MUC5AC: variants seen among roughly 807,000 people sequenced by gnomAD.
MUC5AC encodes mucin-5AC.
A neutral mutation model predicts 169.7 loss-of-function variants in MUC5AC; 158 were observed. The ratio of observed to expected loss-of-function variants is 0.93; its 90% CI spans 0.82 to 1.06. The LOEUF (loss-of-function observed/expected upper bound fraction) is 1.06, where lower values mean the gene tolerates loss of function less well. Among genes scored for constraint, MUC5AC ranks in the 50% least tolerant of loss-of-function variants. The pLI is 0.00. For missense variants in MUC5AC, 4,359 were observed against 3,089.9 expected, an observed-to-expected ratio of 1.41 and a Z score of -9.74; for synonymous variants, 1,975 against 1,237.0, an observed-to-expected ratio of 1.60 and a Z score of -12.52.
chr11:1,164,329 C>T lies in MUC5AC; in HGVS notation c.1003+10C>T. The T allele has an allele frequency of 6.2e-7, 1 of 1,611,938 alleles. No individual in the cohort carries two copies. Among genetic ancestry groups the T allele is most frequent in the East Asian group, 2.2e-5 (1 of 44,870 alleles). On this transcript the variant is annotated intron_variant, in intron 8 of 48. Coordinates refer to ENST00000621226, the MANE Select transcript of MUC5AC (RefSeq NM_001304359.2). ...GGCCCTGACTTCTGCCGTGAGTGTC[C>T]CAGCCCCCTGTCCCCCAACCCCTTT...
In MUC5AC at chr11:1,178,509, C is replaced by A; in HGVS notation, c.3153C>A (p.Ser1051Arg). 1 of 1,210,314 alleles carries A rather than the reference C, an allele frequency of 8.3e-7. No individual in the cohort carries two copies. Among genetic ancestry groups the A allele is most frequent in the Non-Finnish European group, 1.1e-6 (1 of 916,838 alleles). The allele number at this position is 1,210,314 out of a possible 1,614,324, so 75.0% of individuals were successfully genotyped here. The change falls in exon 25 of 49, where the codon AGC becomes AGA. Residue 1051 changes from serine to arginine, a missense_variant. Coordinates refer to ENST00000621226, the MANE Select transcript of MUC5AC (RefSeq NM_001304359.2). ...CCGTTAATGACTTTGCCACGCGGAG[C>A]CGGTCTGTGGTGGGGGACGTGCTGG... ...DIAVNDFATR[S>R]RSVVGDVLEF...
Position 1,195,255 on chromosome 11 carries a change from C to T in MUC5AC, c.15434C>T (p.Pro5145Leu). ...CCGCCTGCTCCGTGCCTGCCATCAC[C>T]CATCTGCCAGCTGATTCTGAGCAAG... ...TTPPAPCLPS[P>L]ICQLILSKVF... Residue 5145 changes from proline (P) to leucine (L), a missense_variant, in exon 36 of 49, where the codon CCC becomes CTC. Transcript: ENST00000621226. 2 of 764,356 alleles carry T rather than the reference C, an allele frequency of 2.6e-6. No homozygotes were observed. The highest frequency in any genetic ancestry group is 4.9e-5 in the East Asian group (2 of 41,214). 47.3% of individuals were successfully genotyped at this position (764,356 alleles called of 1,614,324 possible).
At chr11:1,196,216 C>T (rs989480588) in intron 37 of MUC5AC, among the ~76,000 whole-genome samples, 162 bp downstream of exon 37, 5 of 152,180 alleles carry the variant, frequency 3.3e-5, no homozygotes, top group South Asian at 4.1e-4. Flanking sequence ...GAAGGGAGGG[C>T]GTCCACGTCT....
At position 1,166,186 on chromosome 11, in the gene MUC5AC, A is replaced by T. The variant is rs536710654; in HGVS notation, c.1386+426A>T. Among the ~76,000 whole-genome samples the T allele has an allele frequency of 4.8e-5, 7 of 146,680 alleles. No homozygotes were observed. In the East Asian group the frequency reaches 1.4e-3, roughly 29 times the overall value. ...CAACACACAGTCTCCCTATGGTGAGACCCTGCACCCAACACACAGTCTACC... is the reference window on the plus strand; with the variant it reads ...CAACACACAGTCTCCCTATGGTGAGTCCCTGCACCCAACACACAGTCTACC... On this transcript the variant is annotated intron_variant, in intron 11 of 48. Transcript: ENST00000621226.
chr11:1,173,585 CCACT>C (rs1386975390), intron 16 of MUC5AC, among the ~76,000 whole-genome samples: 2 of 139,850 alleles, frequency 1.4e-5, no homozygotes, highest in East Asian at 2.2e-4. Context: ...ACTCACTCAC[CCACT>C]CACTCATCCA....
chr11:1,175,838 C>CACTCACACCCACTTATGCAAT (rs1860668135), intron 19 of MUC5AC, among the ~76,000 whole-genome samples: 1 of 25,162 alleles, frequency 4.0e-5, no homozygotes, highest in Non-Finnish European at 8.3e-5. Context: ...CATGCACACG[C>CACTCACACCCACTTATGCAAT]ACTCACACAC....
In MUC5AC at chr11:1,192,255, C is replaced by A. The variant is rs760048224; in HGVS notation, c.14110C>A (p.Arg4704=). The change falls in exon 31 of 49, where the codon CGG becomes AGG. Residue 4704 remains arginine, a synonymous_variant. Coordinates refer to ENST00000621226, the MANE Select transcript of MUC5AC (RefSeq NM_001304359.2). ...CAGCCGTGAAGAGGGCCTGGTGTGC[C>A]GGAACCAGGACCAGCAGGGACCCTT... ...QCSREEGLVC[R]NQDQQGPFKM... The A allele has an allele frequency of 1.3e-6, 1 of 764,950 alleles. No homozygotes were observed. The highest frequency in any genetic ancestry group is 2.4e-5 in the East Asian group (1 of 41,258). 47.4% of individuals were successfully genotyped at this position (764,950 alleles called of 1,614,324 possible).
In MUC5AC at chr11:1,164,257, A is replaced by C; in HGVS notation, c.941A>C (p.Tyr314Ser). 1 of 1,612,498 alleles carries C rather than the reference A, an allele frequency of 6.2e-7. No homozygotes were observed. The highest frequency in any genetic ancestry group is 8.5e-7 in the Non-Finnish European group (1 of 1,179,850). Residue 314 changes from tyrosine (Y) to serine (S), a missense_variant, in exon 8 of 49, where the codon TAC becomes TCC. Coordinates refer to ENST00000621226, the MANE Select transcript of MUC5AC (RefSeq NM_001304359.2). ...LSCVCHTLAE[Y>S]SRQCTHAGGL... ...TGCGTCTGCCACACCCTTGCCGAGT[A>C]CTCCCGGCAGTGCACCCATGCAGGG...
rs1356255482 is a variant in MUC5AC at position 1,175,586 on chromosome 11, C to T, written c.2401+316C>T. Among the ~76,000 whole-genome samples the T allele has an allele frequency of 1.2e-3, 172 of 147,180 alleles. No individual in the cohort carries two copies. In the Middle Eastern group the frequency reaches 0.016, roughly 13 times the overall value. On this transcript the variant is annotated intron_variant, in intron 19 of 48. Transcript: ENST00000621226. ...ACTCATGCACATGCTCACACACCCA[C>T]TCATGCACACGCATTCACACCCTCA...
At chr11:1,174,132 C>T (rs1269015691) in intron 16 of MUC5AC, among the ~76,000 whole-genome samples, 2 of 152,252 alleles carry the variant, frequency 1.3e-5, no homozygotes, top group African/African-American at 4.8e-5. Flanking sequence ...ACACTAGGCC[C>T]AGGGGCTAAA....
At position 1,183,816 on chromosome 11, in the gene MUC5AC, C is replaced by G; in HGVS notation, c.5671C>G (p.Leu1891Val). The G allele has an allele frequency of 9.4e-6, 4 of 424,074 alleles. No homozygotes were observed. Among genetic ancestry groups the G allele is most frequent in the Middle Eastern group, 4.8e-4 (1 of 2,084 alleles). 26.3% of individuals were successfully genotyped at this position (424,074 alleles called of 1,614,324 possible). Residue 1891 changes from leucine (L) to valine (V), a missense_variant, in exon 31 of 49, where the codon CTC (leucine) becomes GTC (valine). Physicochemically the swap from Leu to Val is conservative, Grantham distance 32. Transcript: ENST00000621226. ...CAGCAGCACACCTGGCACCGTGTCTCTCTCTACAGCCAGGACGACACCTGC... is the reference window on the plus strand; with the variant it reads ...CAGCAGCACACCTGGCACCGTGTCTGTCTCTACAGCCAGGACGACACCTGC... The part of the protein sequence containing the change: ...APSSTPGTVS[L>V]STARTTPAPG...
At chr11:1,173,433 TCATC>T (rs1455855896) in intron 16 of MUC5AC, among the ~76,000 whole-genome samples, 2 of 150,272 alleles carry the variant, frequency 1.3e-5, no homozygotes, top group Non-Finnish European at 3.0e-5. Flanking sequence ...ACTCATTCAT[TCATC>T]CACTCATCCA....
Position 1,188,249 on chromosome 11 carries a change from C to T in MUC5AC, c.10104C>T (p.Ser3368=). The T allele has an allele frequency of 1.4e-6, 1 of 698,460 alleles. No individual in the cohort carries two copies. Among genetic ancestry groups the T allele is most frequent in the Non-Finnish European group, 2.6e-6 (1 of 383,452 alleles). The allele number at this position is 698,460 out of a possible 1,614,324, so 43.3% of individuals were successfully genotyped here. Residue 3368 remains serine, a synonymous_variant, in exon 31 of 49, where the codon TCC becomes TCT. Coordinates refer to ENST00000621226, the MANE Select transcript of MUC5AC (RefSeq NM_001304359.2). The part of the protein sequence containing the change: ...TTTLVTTSTT[S]TPQTSTTSAP... ...CTTTGGTGACAACCAGCACAACCTCCACTCCACAGACCAGCACAACCTCTG... is the reference window on the plus strand; with the variant it reads ...CTTTGGTGACAACCAGCACAACCTCTACTCCACAGACCAGCACAACCTCTG...
intron 11 of MUC5AC, 115 bp downstream of exon 11, chr11:1,165,875 G>A (rs1860309586): frequency 3.4e-6 from 5 of 1,456,506 alleles, no homozygotes; most frequent in Non-Finnish European, 4.7e-6. Context: ...ACCCTTGGGG[G>A]TCCCCGATGT....
intron 15 of MUC5AC, among the ~76,000 whole-genome samples, chr11:1,170,618 T>C (rs1351520814): frequency 0.16 from 2,138 of 13,694 alleles, no homozygotes; most frequent in Admixed American, 0.18. Context: ...CCCACTCACC[T>C]ACTCACTCAC....
rs1178895056 is a variant in MUC5AC at position 1,192,835 on chromosome 11, G to T, written c.14433G>T (p.Leu4811=). ...RDLAGHCYYA[L]CSQDCQVVRG... is the part of the protein sequence containing the mutation. ...TCGCTGGCCATTGCTATTATGCCCT[G>T]TGTAGCCAGGACTGCCAAGTGGTCA... is the stretch of plus-strand genomic sequence containing the variant. Residue 4811 remains leucine, a synonymous_variant, in exon 32 of 49, where the codon CTG becomes CTT. Transcript: ENST00000621226. 2 of 764,660 alleles carry T rather than the reference G, an allele frequency of 2.6e-6. No individual in the cohort carries two copies. The highest frequency in any genetic ancestry group is 4.8e-6 in the Non-Finnish European group (2 of 417,744). The allele number at this position is 764,660 out of a possible 1,614,324, so 47.4% of individuals were successfully genotyped here.
At position 1,187,058 on chromosome 11, in the gene MUC5AC, C is replaced by A. The variant is rs1860969502; in HGVS notation, c.8913C>A (p.Ser2971Arg). 6.7e-6 allele frequency: 5 copies of A among 751,836 alleles called. No individual in the cohort carries two copies. Among genetic ancestry groups the A allele is most frequent in the South Asian group, 5.5e-5 (4 of 72,506 alleles). 46.6% of individuals were successfully genotyped at this position (751,836 alleles called of 1,614,324 possible). A position where few individuals can be genotyped will look rare whatever the true frequency, so the allele number is the denominator to read the frequency against. ...TTSTTSASTT[S>R]TTSGPGTTPS... is the part of the protein sequence containing the mutation. Reference sequence around the variant, plus strand: ...GCACAACTTCTGCTTCTACAACCAGCACAACCTCTGGTCCTGGAACTACTC... The same window carrying A: ...GCACAACTTCTGCTTCTACAACCAGAACAACCTCTGGTCCTGGAACTACTC... Residue 2971 changes from serine to arginine, a missense_variant, in exon 31 of 49, where the codon AGC becomes AGA. Ser to Arg is a moderately radical substitution (Grantham distance 110). Transcript: ENST00000621226.
At position 1,174,525 on chromosome 11, in the gene MUC5AC, G is replaced by A; in HGVS notation, c.1995G>A (p.Glu665=). Residue 665 remains glutamate, a synonymous_variant, in exon 17 of 49, where the codon GAG becomes GAA. Coordinates refer to ENST00000621226, the MANE Select transcript of MUC5AC (RefSeq NM_001304359.2). ...GCATGTTTGACACCTGCAACTGTGA[G>A]CGGAGCGAGGACTGCCTGTGCGCCG... The part of the protein sequence containing the change: ...SNCMFDTCNC[E]RSEDCLCAAL... The A allele has an allele frequency of 1.3e-6, 2 of 1,563,454 alleles. No individual in the cohort carries two copies. The highest frequency in any genetic ancestry group is 1.7e-6 in the Non-Finnish European group (2 of 1,156,662).
At chr11:1,167,670 G>GT (rs1287439879) in intron 11 of MUC5AC, among the ~76,000 whole-genome samples, 2 of 152,218 alleles carry the variant, frequency 1.3e-5, no homozygotes, top group Admixed American at 6.5e-5. Flanking sequence ...GTTGCAGAGT[G>GT]TGGCCTCCTC....
Sources: allele counts gnomAD v4.1 joint callset (sites outside exome capture counted in the v4.1 genomes callset), GRCh38; gene constraint gnomAD v4.1.1; transcripts MANE v1.5; gene names NCBI Gene and HGNC (gene_info 2026-07-23, HGNC 2026-07-21).